LIN28B: variants seen among roughly 807,000 people sequenced by gnomAD.
LIN28B encodes the protein protein lin-28 homolog B.
In LIN28B, 5 loss-of-function variants were observed where a neutral mutation model predicts 21.9. That is an observed-to-expected ratio of 0.23 (90% confidence interval 0.12 to 0.48). The LOEUF is 0.48. LIN28B is among the 20% of genes least tolerant of loss of function. LIN28B has a pLI of 0.98. For missense variants in LIN28B, 245 were observed against 310.5 expected (o/e 0.79, Z 1.58); for synonymous variants, 109 against 111.3 (o/e 0.98, Z 0.13).
intron 3 of LIN28B, among the ~76,000 whole-genome samples, chr6:105,046,852 G>T (rs1771777569): frequency 6.6e-6 from 1 of 152,016 alleles, no homozygotes; most frequent in South Asian, 2.1e-4. Flanking sequence ...TCGCCCACTT[G>T]TTGGTGGGGT....
chr6:104,995,895 C>T (rs1486908597), intron 2 of LIN28B, among the ~76,000 whole-genome samples: 1 of 151,196 alleles, frequency 6.6e-6, no homozygotes, highest in Non-Finnish European at 1.5e-5. Context: ...TGAAGGGAAA[C>T]TTCTTAGATA....
chr6:105,016,418 A>G (rs1459929217), intron 2 of LIN28B, among the ~76,000 whole-genome samples: 9 of 152,182 alleles, frequency 5.9e-5, no homozygotes, highest in African/African-American at 2.2e-4. Flanking sequence ...CTAAACTTTA[A>G]TATTGTGATT....
chr6:105,066,225 GCTAGTAATTCAGTA>G (rs1394348627), intron 3 of LIN28B, among the ~76,000 whole-genome samples: 1 of 152,164 alleles, frequency 6.6e-6, no homozygotes, highest in Non-Finnish European at 1.5e-5. Flanking sequence ...AGTAGTAAGT[GCTAGTAATTCAGTA>G]GTCAGTCAGC....
chr6:104,978,177 G>T (rs1770143155), intron 2 of LIN28B, among the ~76,000 whole-genome samples: 1 of 152,022 alleles, frequency 6.6e-6, no homozygotes, highest in African/African-American at 2.4e-5. Flanking sequence ...TTTTTTCAGT[G>T]GAAAAGATGG....
intron 3 of LIN28B, among the ~76,000 whole-genome samples, chr6:105,062,378 A>G (rs1772138244): frequency 1.3e-5 from 2 of 152,194 alleles, no homozygotes; most frequent in South Asian, 2.1e-4. Flanking sequence ...GCATTTAACA[A>G]AATCTACATT....
intron 2 of LIN28B, among the ~76,000 whole-genome samples, chr6:104,973,330 TAATAG>T (rs1224825440): frequency 6.6e-6 from 1 of 152,228 alleles, no homozygotes; most frequent in Non-Finnish European, 1.5e-5. Context: ...AGTGAGAATT[TAATAG>T]AATAGAATTC....
In LIN28B at chr6:105,020,107, CTTT is replaced by C. The variant is rs1158938023; in HGVS notation, c.199-6169_199-6167del. On this transcript the variant is annotated intron_variant, in intron 2 of 3. Coordinates refer to ENST00000345080, the MANE Select transcript of LIN28B (RefSeq NM_001004317.4). ...CAGTTGACTCCTTATTCCTGTTATT[CTTT>C]TTTTTTTTTTTTTTTTTTTTTGAGA... Among the ~76,000 whole-genome samples, 198 of 87,568 alleles carry C rather than the reference CTTT, an allele frequency of 2.3e-3. 1 individual carries two copies. Among genetic ancestry groups the C allele is most frequent in the African/African-American group, 8.8e-3 (186 of 21,090 alleles). The allele number at this position is 87,568 out of a possible 152,430, so 57.4% of individuals were successfully genotyped here. A position where few individuals can be genotyped will look rare whatever the true frequency, so the allele number is the denominator to read the frequency against.
chr6:104,952,515 AC>A (rs1327896405), upstream of LIN28B, among the ~76,000 whole-genome samples: 1 of 152,338 alleles, frequency 6.6e-6, no homozygotes, highest in South Asian at 2.1e-4. Context: ...TTAAAAAGAT[AC>A]TTTCTACAGC....
chr6:105,072,746 A>C (rs544931562), intron 3 of LIN28B, among the ~76,000 whole-genome samples: 40 of 152,298 alleles, frequency 2.6e-4, no homozygotes, highest in African/African-American at 8.9e-4. Context: ...TTACAATCTT[A>C]TGAATTTGGT....
intron 3 of LIN28B, among the ~76,000 whole-genome samples, chr6:105,046,844 G>A (rs1376092715): frequency 2.0e-5 from 3 of 152,096 alleles, no homozygotes; most frequent in Non-Finnish European, 2.9e-5. Context: ...GATCTCCTTC[G>A]CCCACTTGTT....
At chr6:105,030,538 A>G (rs1771398107) in intron 3 of LIN28B, among the ~76,000 whole-genome samples, 1 of 150,866 alleles carries the variant, frequency 6.6e-6, no homozygotes, top group Non-Finnish European at 1.5e-5. Context: ...TCTTGATAAG[A>G]TAATGTATTG....
intron 3 of LIN28B, among the ~76,000 whole-genome samples, chr6:105,046,939 T>G (rs1771780855): frequency 6.6e-6 from 1 of 152,212 alleles, no homozygotes; most frequent in Admixed American, 6.5e-5. Context: ...ATGAGTAGAT[T>G]GCAAAAATTT....
At chr6:104,999,288 T>C (rs1770673173) in intron 2 of LIN28B, among the ~76,000 whole-genome samples, 1 of 152,130 alleles carries the variant, frequency 6.6e-6, no homozygotes, top group South Asian at 2.1e-4. Flanking sequence ...TATAGGCCTT[T>C]GACACCACTT....
At chr6:105,028,197 G>A (rs1771326210) in intron 3 of LIN28B, among the ~76,000 whole-genome samples, 2 of 152,046 alleles carry the variant, frequency 1.3e-5, no homozygotes, top group Non-Finnish European at 2.9e-5. Flanking sequence ...GTATGTGAGG[G>A]AGAATAGTGG....
intron 2 of LIN28B, among the ~76,000 whole-genome samples, chr6:105,019,357 C>G (rs1771090702): frequency 6.6e-6 from 1 of 152,194 alleles, no homozygotes; most frequent in Middle Eastern, 3.2e-3. Flanking sequence ...CCAGTTTTTA[C>G]ACCAGTGGTC....
At chr6:105,053,714 CGTGTGTGT>C (rs59369365) in intron 3 of LIN28B, among the ~76,000 whole-genome samples, 7 of 147,274 alleles carry the variant, frequency 4.8e-5, no homozygotes, top group South Asian at 2.2e-4. Context: ...TGTGTGGGTG[CGTGTGTGT>C]GTGTGTGTGT....
chr6:105,061,788 A>G (rs1214577619), intron 3 of LIN28B, among the ~76,000 whole-genome samples: 1 of 152,180 alleles, frequency 6.6e-6, no homozygotes, highest in Non-Finnish European at 1.5e-5. Context: ...CATCTGAGTT[A>G]CAGGCTGAAA....
Position 105,079,313 on chromosome 6 carries a change from A to G in LIN28B, c.*530A>G, listed in dbSNP as rs1335837667. ...GATACTTCAGATCTCAGAGCTGCCA[A>G]TTATGGGGTACTAAAGGTTTTTAAG... is the stretch of plus-strand genomic sequence containing the variant. On this transcript the variant is annotated 3_prime_UTR_variant, in exon 4 of 4. Transcript: ENST00000345080. The G allele has an allele frequency of 2.0e-5, 3 of 152,688 alleles. No homozygotes were observed. The highest frequency in any genetic ancestry group is 2.9e-5 in the Non-Finnish European group (2 of 68,086). 9.5% of individuals were successfully genotyped at this position (152,688 alleles called of 1,614,324 possible). A position where few individuals can be genotyped will look rare whatever the true frequency, so the allele number is the denominator to read the frequency against.
intron 3 of LIN28B, among the ~76,000 whole-genome samples, chr6:105,045,237 CTA>C (rs1421241873): frequency 4.0e-5 from 6 of 148,372 alleles, no homozygotes; most frequent in African/African-American, 1.2e-4. Flanking sequence ...ATAATAATAA[CTA>C]TTATTATTTA....
Sources: gnomAD v4.1 joint callset for allele counts (sites outside exome capture counted in the v4.1 genomes callset) on GRCh38, gnomAD v4.1.1 for gene constraint, MANE v1.5 for transcripts, NCBI Gene and HGNC (gene_info 2026-07-23, HGNC 2026-07-21) for gene names.